BZW2: variants seen among roughly 807,000 people sequenced by gnomAD.
BZW2 encodes the protein basic leucine zipper and W2 domains 2.
Under a neutral mutation model 53.2 loss-of-function variants are expected in BZW2, and 23 were observed. The ratio of observed to expected loss-of-function variants is 0.43; its 90% CI spans 0.31 to 0.61. The LOEUF (loss-of-function observed/expected upper bound fraction) is 0.61, where lower values mean the gene tolerates loss of function less well. Among genes scored for constraint, BZW2 ranks in the 20% least tolerant of loss-of-function variants. BZW2 has a pLI of 0.09. For missense variants in BZW2, 409 were observed against 503.1 expected (o/e 0.81, Z 1.79); for synonymous variants, 227 against 186.4 (o/e 1.22, Z -1.77).
chr7:16,704,934 T>A (rs1473796501), intron 11 of BZW2, among the ~76,000 whole-genome samples: 1 of 152,236 alleles, frequency 6.6e-6, no homozygotes, highest in Non-Finnish European at 1.5e-5. Context: ...GATTAGTAGA[T>A]GTGAAAGGAG....
chr7:16,688,954 A>G (rs1783214898), intron 6 of BZW2, among the ~76,000 whole-genome samples: 1 of 152,172 alleles, frequency 6.6e-6, no homozygotes, highest in South Asian at 2.1e-4. Flanking sequence ...GGCTGCGTGC[A>G]ATGGCTCATG....
chr7:16,686,306 C>A (rs903200236), intron 6 of BZW2: 4 of 381,796 alleles, frequency 1.0e-5, no homozygotes, highest in Admixed American at 7.6e-5. Flanking sequence ...TCATGGAAGA[C>A]TTGATGCCTA....
chr7:16,694,780 G>A (rs1783426127), intron 7 of BZW2, 54 bp from the exon 8 acceptor site: 2 of 1,381,566 alleles, frequency 1.4e-6, no homozygotes, highest in Non-Finnish European at 1.9e-6. Flanking sequence ...TGTCCTTTAT[G>A]CTTGCTGAAA....
At chr7:16,665,080 G>T (rs943125159) in intron 1 of BZW2, among the ~76,000 whole-genome samples, 1 of 152,192 alleles carries the variant, frequency 6.6e-6, no homozygotes, top group African/African-American at 2.4e-5. Flanking sequence ...GTGAGGCCAA[G>T]GTGGGTGGAT....
chr7:16,695,355 A>G (rs1783446080), intron 8 of BZW2, among the ~76,000 whole-genome samples: 1 of 152,182 alleles, frequency 6.6e-6, no homozygotes, highest in Admixed American at 6.5e-5. Context: ...AGGTTATCTA[A>G]CCTGATTAAG....
At chr7:16,661,445 C>A (rs911287889) in intron 1 of BZW2, 2 of 152,208 alleles carry the variant, frequency 1.3e-5, no homozygotes, top group African/African-American at 4.8e-5. Flanking sequence ...GGCCCAGAGT[C>A]TCATTGCAAG....
rs1331704189 is a variant in BZW2 at position 16,706,112 on chromosome 7, A to C, written c.*24A>C. ...AAATGGCTCAACAAGCACAATACCT[A>C]GGTTACCACACACCACTTTTTGATT... On this transcript the variant is annotated 3_prime_UTR_variant, in exon 12 of 12. Transcript: ENST00000258761. 6.2e-7 allele frequency: 1 copy of C among 1,611,836 alleles called. No individual in the cohort carries two copies. The highest frequency in any genetic ancestry group is 8.5e-7 in the Non-Finnish European group (1 of 1,178,492).
chr7:16,656,133 A>T (rs186289168), intron 1 of BZW2, among the ~76,000 whole-genome samples: 45 of 149,272 alleles, frequency 3.0e-4, no homozygotes, highest in Admixed American at 2.8e-3. Flanking sequence ...ATATATATAA[A>T]TGACTATATA....
intron 2 of BZW2, 128 bp downstream of exon 2, chr7:16,665,629 A>G: frequency 6.9e-7 from 1 of 1,453,138 alleles, no homozygotes; most frequent in Middle Eastern, 1.8e-4. Context: ...TGAGTGTAGA[A>G]TCTGAAGTGC....
intron 1 of BZW2, among the ~76,000 whole-genome samples, chr7:16,653,035 TG>T (rs1754864581): frequency 9.5e-5 from 2 of 21,078 alleles, no homozygotes; most frequent in Non-Finnish European, 2.0e-4. Context: ...AAAGTAACTT[TG>T]TGTGTGTGTG....
At chr7:16,671,554 G>A (rs1470928247) in intron 2 of BZW2, among the ~76,000 whole-genome samples, 1 of 152,090 alleles carries the variant, frequency 6.6e-6, no homozygotes. Flanking sequence ...GGGATCTCAT[G>A]ACTTACTCTT....
intron 9 of BZW2, among the ~76,000 whole-genome samples, 192 bp downstream of exon 9, chr7:16,697,253 C>T (rs551347571): frequency 6.6e-6 from 1 of 152,290 alleles, no homozygotes; most frequent in South Asian, 2.1e-4. Flanking sequence ...CCACGTCTGG[C>T]TAATTTCTTC....
rs1404356470 is a variant in BZW2 at position 16,706,482 on chromosome 7, C to G, written c.*394C>G. 5.9e-6 allele frequency: 1 copy of G among 168,108 alleles called. No homozygotes were observed. The highest frequency in any genetic ancestry group is 2.4e-5 in the African/African-American group (1 of 42,136). The allele number at this position is 168,108 out of a possible 1,614,324, so 10.4% of individuals were successfully genotyped here. A position where few individuals can be genotyped will look rare whatever the true frequency, so the allele number is the denominator to read the frequency against. On this transcript the variant is annotated 3_prime_UTR_variant, in exon 12 of 12. Transcript: ENST00000258761. ...GTATCTGCTCATGTATGTGATTTGACAAACCAGTTTTTTAAAATAAATGGC... is the reference window on the plus strand; with the variant it reads ...GTATCTGCTCATGTATGTGATTTGAGAAACCAGTTTTTTAAAATAAATGGC...
intron 7 of BZW2, among the ~76,000 whole-genome samples, chr7:16,691,922 G>GTA (rs1783321333): frequency 6.6e-6 from 1 of 152,006 alleles, no homozygotes; most frequent in Non-Finnish European, 1.5e-5. Flanking sequence ...GTGTGTTTGT[G>GTA]TATATATATG....
intron 8 of BZW2, chr7:16,696,186 T>C (rs981299558): frequency 5.9e-5 from 9 of 152,216 alleles, no homozygotes; most frequent in African/African-American, 1.9e-4. Context: ...ATGCTGGAGA[T>C]ATACGATGAC....
chr7:16,697,321 A>T (rs989838830), intron 9 of BZW2, among the ~76,000 whole-genome samples: 1 of 152,116 alleles, frequency 6.6e-6, no homozygotes, highest in Admixed American at 6.5e-5. Context: ...GAACTCCTGC[A>T]TTCAAGCTAT....
In BZW2 at chr7:16,691,741, A is replaced by G. The variant is rs77704853; in HGVS notation, c.651+1835A>G. On this transcript the variant is annotated intron_variant, in intron 7 of 11. Coordinates refer to ENST00000258761, the MANE Select transcript of BZW2 (RefSeq NM_014038.3). ...ATGATTGGGAACAAAGATACAATCT[A>G]TCCGGTTATTTCTTAAAGCAGTAAT... Among the ~76,000 whole-genome samples the G allele has an allele frequency of 2.9e-4, 44 of 152,360 alleles. No individual in the cohort carries two copies. The East Asian group carries it at 8.1e-3, about 28-fold the overall frequency.
intron 2 of BZW2, among the ~76,000 whole-genome samples, chr7:16,667,327 G>C (rs1168854993): frequency 6.6e-6 from 1 of 151,762 alleles, no homozygotes; most frequent in African/African-American, 2.4e-5. Context: ...ACTCAATAGG[G>C]AAACTTTTTC....
At chr7:16,667,756 TC>T (rs768367082) in intron 2 of BZW2, among the ~76,000 whole-genome samples, 7 of 152,238 alleles carry the variant, frequency 4.6e-5, no homozygotes, top group Non-Finnish European at 8.8e-5. Context: ...GTACAGTTTT[TC>T]TGTTTTGCAC....
Sources: gnomAD v4.1 joint callset for allele counts (sites outside exome capture counted in the v4.1 genomes callset) on GRCh38, gnomAD v4.1.1 for gene constraint, MANE v1.5 for transcripts, NCBI Gene and HGNC (gene_info 2026-07-23, HGNC 2026-07-21) for gene names.